The following RBMS3 variants were observed in gnomAD, a reference collection of about 807,000 sequenced individuals.
RBMS3 encodes the protein RNA binding motif single stranded interacting protein 3, also known as RNA-binding motif, single-stranded-interacting protein 3.
In RBMS3, 27 loss-of-function variants were observed where a neutral mutation model predicts 66.8. That is an observed-to-expected ratio of 0.40 (90% CI 0.30 to 0.56). The LOEUF is 0.56. RBMS3 is among the 20% of genes least tolerant of loss of function. RBMS3 has a pLI of 0.40. For missense variants in RBMS3, 513 were observed against 549.5 expected, an observed-to-expected ratio of 0.93 and a Z score of 0.66; for synonymous variants, 188 against 183.0, an observed-to-expected ratio of 1.03 and a Z score of -0.22.
chr3:29,545,822 G>A (rs770822008), intron 3 of RBMS3, among the ~76,000 whole-genome samples: 65 of 152,276 alleles, frequency 4.3e-4, no homozygotes, highest in Middle Eastern at 3.4e-3. Flanking sequence ...TGTAATATGA[G>A]TTCTTCAGAT....
intron 4 of RBMS3, among the ~76,000 whole-genome samples, chr3:29,626,315 A>C (rs1559519314): frequency 6.6e-6 from 1 of 152,184 alleles, no homozygotes; most frequent in Non-Finnish European, 1.5e-5. Context: ...GAAAGAATGC[A>C]AAAAATGATA....
chr3:29,709,216 A>C (rs2053046901), intron 4 of RBMS3, among the ~76,000 whole-genome samples: 3 of 152,172 alleles, frequency 2.0e-5, no homozygotes, highest in Admixed American at 2.0e-4. Context: ...GCAGCCAACG[A>C]GTAATCAGTC....
In RBMS3 at chr3:29,629,738, AC is replaced by A. The variant is rs1316618066; in HGVS notation, c.399+42536del. ...TAATTGATTTTATTTTATGTCCTAT[AC>A]CCTTTTTCAGTCCAATTTTTAAGTC... is the stretch of plus-strand genomic sequence containing the variant. On this transcript the variant is annotated intron_variant, in intron 4 of 14. Transcript: ENST00000383767. Among the ~76,000 whole-genome samples, 3 of 151,846 alleles carry A rather than the reference AC, an allele frequency of 2.0e-5. No homozygotes were observed. In the East Asian group the frequency reaches 5.8e-4, roughly 29 times the overall value.
intron 3 of RBMS3, among the ~76,000 whole-genome samples, chr3:29,515,471 G>C (rs891646556): frequency 6.6e-6 from 1 of 152,182 alleles, no homozygotes; most frequent in Non-Finnish European, 1.5e-5. Context: ...TATGGCCAGA[G>C]TAATATTTTG....
At chr3:29,796,710 A>ATTTTTTTTTTTTTT (rs1576829680) in intron 6 of RBMS3, among the ~76,000 whole-genome samples, 14 of 93,342 alleles carry the variant, frequency 1.5e-4, no homozygotes, top group African/African-American at 6.7e-4. Flanking sequence ...TTTGAAAGGA[A>ATTTTTTTTTTTTTT]TCTTTTTTTT....
At chr3:29,772,163 G>A (rs1056684808) in intron 6 of RBMS3, among the ~76,000 whole-genome samples, 1 of 151,978 alleles carries the variant, frequency 6.6e-6, no homozygotes, top group Non-Finnish European at 1.5e-5. Flanking sequence ...AAAAGGCAAA[G>A]ACTTGGATTT....
chr3:29,863,395 T>C (rs1330800935), intron 6 of RBMS3, among the ~76,000 whole-genome samples: 1 of 152,068 alleles, frequency 6.6e-6, no homozygotes, highest in African/African-American at 2.4e-5. Context: ...AGAAAATGTA[T>C]TTCTGGAATT....
intron 12 of RBMS3, among the ~76,000 whole-genome samples, chr3:29,946,031 A>G (rs1452850123): frequency 6.6e-6 from 1 of 151,760 alleles, no homozygotes; most frequent in Non-Finnish European, 1.5e-5. Flanking sequence ...GAAGGAAGGG[A>G]CCCAATATAG....
In RBMS3 at chr3:29,948,573, T is replaced by C. The variant is rs560843162; in HGVS notation, c.1098+4319T>C. 2.6e-5 allele frequency among the ~76,000 whole-genome samples: 4 copies of C among 151,926 alleles called. No individual in the cohort carries two copies. In the South Asian group the frequency reaches 8.3e-4, roughly 31 times the overall value. ...ATTACAAATAATTTCCATCTTTTAA[T>C]TAAAAATTAAGTTCATTAGTACCTC... On this transcript the variant is annotated intron_variant, in intron 12 of 14. Coordinates refer to ENST00000383767, the MANE Select transcript of RBMS3 (RefSeq NM_001003793.3).
chr3:29,745,599 CA>C (rs1429143578), intron 5 of RBMS3, among the ~76,000 whole-genome samples: 3 of 151,686 alleles, frequency 2.0e-5, no homozygotes, highest in Non-Finnish European at 4.4e-5. Flanking sequence ...GGGTGGGGGA[CA>C]GGGGGAGCAG....
intron 1 of RBMS3, among the ~76,000 whole-genome samples, chr3:29,326,471 T>C (rs1345690313): frequency 6.6e-6 from 1 of 152,208 alleles, no homozygotes; most frequent in Admixed American, 6.5e-5. Flanking sequence ...TTCCCAACTA[T>C]CCACAATTAA....
At chr3:29,908,825 G>C (rs995826368) in intron 10 of RBMS3, among the ~76,000 whole-genome samples, 8 of 152,052 alleles carry the variant, frequency 5.3e-5, no homozygotes, top group Non-Finnish European at 1.0e-4. Context: ...TTGTCCTCAA[G>C]ACTTGAAATA....
At chr3:29,523,388 T>A (rs897920863) in intron 3 of RBMS3, among the ~76,000 whole-genome samples, 4 of 152,328 alleles carry the variant, frequency 2.6e-5, no homozygotes, top group South Asian at 4.1e-4. Context: ...AACTGTTCTT[T>A]TTTTTTGTTT....
chr3:29,368,083 A>G (rs952345834), intron 1 of RBMS3, among the ~76,000 whole-genome samples: 2 of 152,346 alleles, frequency 1.3e-5, no homozygotes, highest in South Asian at 4.1e-4. Context: ...TAGTAGTCAG[A>G]TAATTGTAAA....
intron 1 of RBMS3, among the ~76,000 whole-genome samples, chr3:29,352,141 A>T (rs1267320404): frequency 6.6e-6 from 1 of 152,084 alleles, no homozygotes; most frequent in African/African-American, 2.4e-5. Flanking sequence ...TGATTTCATA[A>T]TTATTTTTAA....
intron 3 of RBMS3, among the ~76,000 whole-genome samples, chr3:29,506,835 C>A (rs182011325): frequency 6.6e-6 from 1 of 151,786 alleles, no homozygotes; most frequent in Admixed American, 6.6e-5. Flanking sequence ...AAGAATGTAT[C>A]CATTTTTTCT....
At chr3:29,724,319 C>T (rs1330511930) in intron 4 of RBMS3, among the ~76,000 whole-genome samples, 1 of 152,082 alleles carries the variant, frequency 6.6e-6, no homozygotes, top group Non-Finnish European at 1.5e-5. Flanking sequence ...TTAAAGTGTT[C>T]TAAATTTCCT....
intron 4 of RBMS3, among the ~76,000 whole-genome samples, chr3:29,724,147 A>G (rs2053758312): frequency 6.6e-6 from 1 of 152,178 alleles, no homozygotes; most frequent in Non-Finnish European, 1.5e-5. Context: ...TACAGTGGCC[A>G]CATTTTAAGG....
chr3:29,878,617 G>A (rs1178706480), intron 7 of RBMS3, among the ~76,000 whole-genome samples: 1 of 151,988 alleles, frequency 6.6e-6, no homozygotes, highest in Non-Finnish European at 1.5e-5. Context: ...TCTGAATCAG[G>A]CCTCTGACCT....
Sources: allele counts gnomAD v4.1 joint callset (sites outside exome capture counted in the v4.1 genomes callset), GRCh38; gene constraint gnomAD v4.1.1; transcripts MANE v1.5; gene names NCBI Gene and HGNC (gene_info 2026-07-23, HGNC 2026-07-21).